The following DIP2C variants were observed in gnomAD, a reference collection of about 807,000 sequenced individuals.
DIP2C encodes the protein DIP2 acetate--CoA ligase C (putative).
A neutral mutation model predicts 192.4 loss-of-function variants in DIP2C; 33 were observed. The observed-to-expected ratio is 0.17, with a 90% CI of 0.13 to 0.23. The LOEUF is 0.23. Among genes scored for constraint, DIP2C ranks in the 10% least tolerant of loss-of-function variants. DIP2C has a pLI of 1.00. For synonymous variants in DIP2C, 979 were observed against 864.1 expected (o/e 1.13, Z -2.33); for missense variants, 1,537 against 2,110.1 (o/e 0.73, Z 5.32).
intron 1 of DIP2C, among the ~76,000 whole-genome samples, chr10:589,147 G>A (rs969481461): frequency 1.3e-5 from 2 of 152,138 alleles, no homozygotes; most frequent in African/African-American, 4.8e-5. Context: ...TGGAGCACCT[G>A]TTCAGGTCTC....
chr10:542,003 T>C (rs1030855977), intron 1 of DIP2C, among the ~76,000 whole-genome samples: 2 of 152,212 alleles, frequency 1.3e-5, no homozygotes, highest in African/African-American at 4.8e-5. Context: ...GGACTCCCAG[T>C]GCACACGTTG....
chr10:412,733 G>A (rs1468674055), intron 8 of DIP2C, among the ~76,000 whole-genome samples: 1 of 152,160 alleles, frequency 6.6e-6, no homozygotes. Context: ...TCTGGCTTTT[G>A]ACCTCCATGG....
chr10:296,720 G>A (rs1372863763), intron 32 of DIP2C, among the ~76,000 whole-genome samples: 2 of 152,092 alleles, frequency 1.3e-5, no homozygotes, highest in African/African-American at 4.8e-5. Flanking sequence ...AAAAAAGGAT[G>A]AGTTCATGTT....
chr10:514,136 T>A (rs1043296931), intron 1 of DIP2C, among the ~76,000 whole-genome samples: 1 of 152,212 alleles, frequency 6.6e-6, no homozygotes, highest in Non-Finnish European at 1.5e-5. Context: ...GGCTTCCTGG[T>A]GCATTCGCCC....
At chr10:528,370 AGACCGCCCGCAGCTCCCCCAGAACG>A (rs1847178650) in intron 1 of DIP2C, among the ~76,000 whole-genome samples, 2 of 92,088 alleles carry the variant, frequency 2.2e-5, no homozygotes, top group African/African-American at 1.6e-4. Context: ...CCCAGAACGC[AGACCGCCCGCAGCTCCCCCAGAACG>A]CAGACCGCCC....
intron 1 of DIP2C, among the ~76,000 whole-genome samples, chr10:644,654 C>A (rs987307573): frequency 6.6e-6 from 1 of 152,012 alleles, no homozygotes; most frequent in Non-Finnish European, 1.5e-5. Flanking sequence ...GAATGAAACA[C>A]GGCCCCCAAA....
At chr10:401,650 T>A (rs1305004659) in intron 9 of DIP2C, among the ~76,000 whole-genome samples, 3 of 146,794 alleles carry the variant, frequency 2.0e-5, no homozygotes, top group African/African-American at 7.5e-5. Context: ...CATCAGCACA[T>A]GAATCCTATG....
At position 413,783 on chromosome 10, in the gene DIP2C, T is replaced by C. The variant is rs537263934; in HGVS notation, c.1057+130A>G. 3.2e-5 allele frequency: 38 copies of C among 1,184,822 alleles called. No homozygotes were observed. In the East Asian group the frequency reaches 9.6e-4, roughly 30 times the overall value. The allele number at this position is 1,184,822 out of a possible 1,614,324, so 73.4% of individuals were successfully genotyped here. A position where few individuals can be genotyped will look rare whatever the true frequency, so the allele number is the denominator to read the frequency against. ...GTTCGGGAGTGGCTGCGCGAGGGCG[T>C]GGGCAAAGGGCAGAGGGTTAGCCTC... On this transcript the variant is annotated intron_variant, in intron 8 of 36. Transcript: ENST00000280886.
chr10:317,873 TTC>T (rs1455810796), intron 31 of DIP2C, among the ~76,000 whole-genome samples: 1 of 152,258 alleles, frequency 6.6e-6, no homozygotes, highest in African/African-American at 2.4e-5. Context: ...TCCTCTTCTT[TTC>T]TCTCTCTTCA....
At chr10:559,012 T>A (rs950590697) in intron 1 of DIP2C, among the ~76,000 whole-genome samples, 3 of 135,230 alleles carry the variant, frequency 2.2e-5, no homozygotes, top group Non-Finnish European at 4.6e-5. Flanking sequence ...GGCCAAGGAG[T>A]GGTTTCCAAG....
intron 3 of DIP2C, among the ~76,000 whole-genome samples, chr10:449,290 C>A (rs1287900035): frequency 1.3e-5 from 2 of 152,174 alleles, no homozygotes; most frequent in Admixed American, 6.5e-5. Context: ...CAAAAGTCGA[C>A]TTCTCCACCT....
At chr10:503,795 C>A (rs1845409397) in intron 1 of DIP2C, among the ~76,000 whole-genome samples, 2 of 152,220 alleles carry the variant, frequency 1.3e-5, no homozygotes, top group Admixed American at 6.5e-5. Flanking sequence ...GGACAATCCT[C>A]CTTTGTCCCC....
At chr10:399,557 C>G (rs1964249923) in intron 9 of DIP2C, among the ~76,000 whole-genome samples, 1 of 152,184 alleles carries the variant, frequency 6.6e-6, no homozygotes, top group Non-Finnish European at 1.5e-5. Flanking sequence ...TATTTCTATA[C>G]AGTCTTCATA....
chr10:538,920 C>T lies in DIP2C; in HGVS notation c.86-52390G>A, dbSNP rs141076749. ...AACTTTTTCTGTGTTCATGAATCTGCTATATGAACCTCAGTTGTGAGTTGT... is the reference window on the plus strand; with the variant it reads ...AACTTTTTCTGTGTTCATGAATCTGTTATATGAACCTCAGTTGTGAGTTGT... On this transcript the variant is annotated intron_variant, in intron 1 of 36. Transcript: ENST00000280886. Among the ~76,000 whole-genome samples the T allele has an allele frequency of 3.3e-3, 503 of 152,272 alleles. 3 individuals carry two copies. Among genetic ancestry groups the T allele is most frequent in the African/African-American group, 0.012 (480 of 41,530 alleles).
chr10:639,467 G>A (rs1352347114), intron 1 of DIP2C, among the ~76,000 whole-genome samples: 1 of 149,104 alleles, frequency 6.7e-6, no homozygotes, highest in Non-Finnish European at 1.5e-5. Context: ...CCCGGCTCAC[G>A]GTCCACACAT....
Position 644,499 on chromosome 10 carries a change from GCT to G in DIP2C, c.85+44993_85+44994del, listed in dbSNP as rs763740291. On this transcript the variant is annotated intron_variant, in intron 1 of 36. Coordinates refer to ENST00000280886, the MANE Select transcript of DIP2C (RefSeq NM_014974.3). ...GCGCGTCCTGGGAGCGCGGCTTCTT[GCT>G]CTGTCAGCAACACGGCCCGCCGTAG... 1.1e-4 allele frequency among the ~76,000 whole-genome samples: 17 copies of G among 152,398 alleles called. No homozygotes were observed. In the South Asian group the frequency reaches 3.1e-3, roughly 28 times the overall value.
chr10:414,176 T>G (rs1965382186), intron 7 of DIP2C, 66 bp from the exon 8 acceptor site: 7 of 1,503,100 alleles, frequency 4.7e-6, no homozygotes, highest in East Asian at 4.6e-5. Context: ...TACTTTTTAT[T>G]CTTTATAAAG....
chr10:603,569 CAT>C (rs1013068457), intron 1 of DIP2C, among the ~76,000 whole-genome samples: 9 of 152,114 alleles, frequency 5.9e-5, no homozygotes, highest in African/African-American at 2.2e-4. Flanking sequence ...AGACCCAAAT[CAT>C]AGAACCACAG....
At chr10:389,419 C>T (rs1963275007) in intron 13 of DIP2C, among the ~76,000 whole-genome samples, 1 of 152,166 alleles carries the variant, frequency 6.6e-6, no homozygotes, top group Admixed American at 6.5e-5. Context: ...TCTTTGCCTC[C>T]CATACCAGCC....
Sources: allele counts gnomAD v4.1 joint callset (sites outside exome capture counted in the v4.1 genomes callset), GRCh38; gene constraint gnomAD v4.1.1; transcripts MANE v1.5; gene names NCBI Gene and HGNC (gene_info 2026-07-23, HGNC 2026-07-21).